Variants in GTF2IRD1 observed in about 807,000 individuals in gnomAD.
GTF2IRD1 encodes general transcription factor II-I repeat domain-containing protein 1.
In GTF2IRD1, 26 loss-of-function variants were observed where a neutral mutation model predicts 113.2. The observed-to-expected ratio is 0.23, with a 90% CI of 0.17 to 0.32. GTF2IRD1 has a LOEUF of 0.32. Among genes scored for constraint, GTF2IRD1 ranks in the 10% least tolerant of loss-of-function variants. GTF2IRD1 has a pLI of 1.00. For missense variants in GTF2IRD1, 864 were observed against 1,280.8 expected, an observed-to-expected ratio of 0.67 and a Z score of 4.97; for synonymous variants, 484 against 529.1, an observed-to-expected ratio of 0.91 and a Z score of 1.17.
intron 1 of GTF2IRD1, among the ~76,000 whole-genome samples, chr7:74,458,370 G>A (rs1346531298): frequency 1.3e-5 from 2 of 152,088 alleles, no homozygotes; most frequent in African/African-American, 4.8e-5. Context: ...GCTGGTGAGG[G>A]GGTAACAGTC....
intron 1 of GTF2IRD1, among the ~76,000 whole-genome samples, chr7:74,457,280 G>A (rs1436185301): frequency 1.3e-5 from 2 of 152,094 alleles, no homozygotes; most frequent in African/African-American, 4.8e-5. Flanking sequence ...GTGAACCACC[G>A]CGCCTAGCCA....
chr7:74,518,403 C>G, intron 5 of GTF2IRD1, 81 bp downstream of exon 5: 1 of 1,179,148 alleles, frequency 8.5e-7, no homozygotes, highest in Non-Finnish European at 1.2e-6. Context: ...GCCACTTAGC[C>G]AGAGGGGAAG....
At chr7:74,535,624 C>A (rs1053802813) in intron 10 of GTF2IRD1, among the ~76,000 whole-genome samples, 1 of 152,170 alleles carries the variant, frequency 6.6e-6, no homozygotes, top group Non-Finnish European at 1.5e-5. Context: ...GAGGAAGATG[C>A]GGGCTCTTCC....
At position 74,519,436 on chromosome 7, in the gene GTF2IRD1, G is replaced by A. The variant is rs782730285; in HGVS notation, c.633G>A (p.Ser211=). ...CACTTGAGGATGGCGGGCGGGACTC[G>A]AAGGCCCTGGTGGAGCTGAACGGTG... The part of the protein sequence containing the change: ...KRPLEDGGRD[S]KALVELNGVS... Residue 211 remains serine, a synonymous_variant, in exon 6 of 27, where the codon TCG becomes TCA. Coordinates refer to ENST00000424337, the MANE Select transcript of GTF2IRD1 (RefSeq NM_005685.4). The A allele has an allele frequency of 1.8e-5, 28 of 1,540,782 alleles. No homozygotes were observed. Among genetic ancestry groups the A allele is most frequent in the South Asian group, 3.8e-5 (3 of 79,148 alleles).
At position 74,519,399 on chromosome 7, in the gene GTF2IRD1, C is replaced by T. The variant is rs1554345338; in HGVS notation, c.606-10C>T. 3 of 1,515,646 alleles carry T rather than the reference C, an allele frequency of 2.0e-6. No individual in the cohort carries two copies. In the African/African-American group the frequency reaches 4.2e-5, roughly 21 times the overall value. 93.9% of individuals were successfully genotyped at this position (1,515,646 alleles called of 1,614,324 possible). On this transcript the variant is annotated splice_polypyrimidine_tract_variant and intron_variant, in intron 5 of 26. Transcript: ENST00000424337. ...TACAAAGCTGTCCATGTGTCCTCTC[C>T]TTTACTCAGGCCACTTGAGGATGGC... is the stretch of plus-strand genomic sequence containing the variant.
At chr7:74,569,252 G>A (rs1184832726) in intron 22 of GTF2IRD1, among the ~76,000 whole-genome samples, 3 of 152,182 alleles carry the variant, frequency 2.0e-5, no homozygotes, top group Admixed American at 6.5e-5. Flanking sequence ...CATCCCGCAC[G>A]TCCACGCGTG....
In GTF2IRD1 at chr7:74,555,031, G is replaced by A. The variant is rs1348855691; in HGVS notation, c.1917-143G>A. 2.9e-6 allele frequency: 2 copies of A among 691,830 alleles called. No individual in the cohort carries two copies. The highest frequency in any genetic ancestry group is 4.8e-6 in the Non-Finnish European group (2 of 416,634). The allele number at this position is 691,830 out of a possible 1,614,324, so 42.9% of individuals were successfully genotyped here. ...CAGCCCCCCAGATTCCACATGTGGG[G>A]CGGCAGGGACTCCAGGCCTGAACTA... On this transcript the variant is annotated intron_variant, in intron 17 of 26. Transcript: ENST00000424337. This position sits in a 1 kb window ranked among gnomAD's most constrained non-coding sequence, Gnocchi z 5.3.
chr7:74,547,387 C>A, intron 17 of GTF2IRD1, 101 bp downstream of exon 17: 1 of 880,570 alleles, frequency 1.1e-6, no homozygotes, highest in Non-Finnish European at 1.8e-6. Context: ...TGTGCCTCAG[C>A]CACCTGAATA....
At chr7:74,517,569 A>G (rs868933023) in intron 4 of GTF2IRD1, among the ~76,000 whole-genome samples, 26 of 144,746 alleles carry the variant, frequency 1.8e-4, no homozygotes, top group Non-Finnish European at 3.6e-4. Context: ...ACAGGCATGC[A>G]CCACCACACC....
At chr7:74,521,391 G>C (rs1347564589) in intron 7 of GTF2IRD1, 94 bp downstream of exon 7, 1 of 784,790 alleles carries the variant, frequency 1.3e-6, no homozygotes, top group African/African-American at 1.7e-5. Flanking sequence ...CTGGGTCTTT[G>C]TGAAAGAAAG....
chr7:74,532,556 A>T (rs782254909), intron 9 of GTF2IRD1, among the ~76,000 whole-genome samples: 16 of 152,156 alleles, frequency 1.1e-4, no homozygotes, highest in Non-Finnish European at 2.2e-4. Context: ...CCTATCTCTG[A>T]AAACAATAAT....
chr7:74,590,280 T>A (rs1263254710), intron 23 of GTF2IRD1, among the ~76,000 whole-genome samples: 1 of 151,682 alleles, frequency 6.6e-6, no homozygotes, highest in Non-Finnish European at 1.5e-5. Context: ...AAGGTTTCAC[T>A]ATGTTGCCCA....
chr7:74,499,633 CATGCACACACCAAGGAATGAATGA>C (rs1487965270), intron 1 of GTF2IRD1, among the ~76,000 whole-genome samples: 4 of 150,484 alleles, frequency 2.7e-5, no homozygotes, highest in African/African-American at 4.9e-5. Flanking sequence ...CAAAGGAATG[CATGCACACACCAAGGAATGAATGA>C]ATGCACACAC....
At chr7:74,591,168 C>T (rs1277109872) in intron 24 of GTF2IRD1, 151 bp downstream of exon 24, 3 of 442,452 alleles carry the variant, frequency 6.8e-6, no homozygotes, top group Non-Finnish European at 1.2e-5. Context: ...CTTCAACAGT[C>T]ATGGACATTT....
chr7:74,584,486 T>C (rs782252771), intron 22 of GTF2IRD1, among the ~76,000 whole-genome samples: 4 of 152,128 alleles, frequency 2.6e-5, no homozygotes, highest in Non-Finnish European at 4.4e-5. Flanking sequence ...GTTAATGATG[T>C]ATTTATCCTG....
intron 9 of GTF2IRD1, among the ~76,000 whole-genome samples, chr7:74,534,568 T>A (rs995482009): frequency 3.3e-5 from 5 of 150,092 alleles, no homozygotes; most frequent in African/African-American, 1.2e-4. Flanking sequence ...GAAATTAGAA[T>A]AGAACCAAAA....
chr7:74,460,174 G>T (rs939232925), intron 1 of GTF2IRD1, among the ~76,000 whole-genome samples: 2 of 151,874 alleles, frequency 1.3e-5, no homozygotes, highest in African/African-American at 2.4e-5. Context: ...ATGGGGTTTC[G>T]CCATGTTGCC....
At chr7:74,579,793 C>T (rs1172272540) in intron 22 of GTF2IRD1, among the ~76,000 whole-genome samples, 3 of 151,984 alleles carry the variant, frequency 2.0e-5, no homozygotes, top group African/African-American at 7.3e-5. Context: ...GCCCAGGCTA[C>T]ATTTTTTTTT....
chr7:74,467,839 G>A (rs1253992220), intron 1 of GTF2IRD1, among the ~76,000 whole-genome samples: 27 of 152,084 alleles, frequency 1.8e-4, no homozygotes, highest in Middle Eastern at 3.4e-3. Context: ...GATTACAGGC[G>A]CCCGCCACTG....
Sources: allele counts gnomAD v4.1 joint callset (sites outside exome capture counted in the v4.1 genomes callset), GRCh38; gene constraint gnomAD v4.1.1; non-coding constraint Gnocchi (gnomAD v3.1); transcripts MANE v1.5; gene names NCBI Gene and HGNC (gene_info 2026-07-23, HGNC 2026-07-21).